The following REPS2 variants were observed in gnomAD, a reference collection of about 807,000 sequenced individuals.
REPS2 encodes the protein ralBP1-associated Eps domain-containing protein 2.
REPS2 carries 23 observed loss-of-function variants against 53.6 expected under a neutral mutation model. That is an observed-to-expected ratio of 0.43 (90% confidence interval 0.31 to 0.61). The LOEUF (loss-of-function observed/expected upper bound fraction) is 0.61. Ranked by LOEUF, REPS2 falls within the 20% of genes least tolerant of loss-of-function variation. The pLI, the probability that REPS2 is intolerant of heterozygous loss-of-function variation, is 0.11. For synonymous variants in REPS2, 238 were observed against 218.6 expected (o/e 1.09, Z -0.78); for missense variants, 446 against 534.9 (o/e 0.83, Z 1.64).
chrX:17,080,446 G>T (rs2062441731), intron 13 of REPS2, among the ~76,000 whole-genome samples: 2 of 110,450 alleles, frequency 1.8e-5, no homozygotes, highest in South Asian at 7.8e-4. Flanking sequence ...CCACCACCTT[G>T]TTCTTATAAT....
intron 1 of REPS2, among the ~76,000 whole-genome samples, chrX:16,998,204 G>A (rs2061255859): frequency 8.9e-6 from 1 of 111,803 alleles, no homozygotes; most frequent in Non-Finnish European, 1.9e-5. Context: ...AGCTGTGATT[G>A]TGCCACTGCT....
intron 1 of REPS2, among the ~76,000 whole-genome samples, chrX:16,992,846 T>TA (rs1178436115): frequency 8.9e-6 from 1 of 112,456 alleles, no homozygotes; most frequent in Admixed American, 9.4e-5. Flanking sequence ...CTTCCAGTTA[T>TA]ATTAGGTTTT....
intron 1 of REPS2, among the ~76,000 whole-genome samples, chrX:16,975,327 C>T: frequency 8.9e-6 from 1 of 112,045 alleles, no homozygotes; most frequent in Non-Finnish European, 1.9e-5. Flanking sequence ...ATTTACACTC[C>T]TACCAGCAGT....
chrX:17,046,352 A>G (rs930589406), intron 5 of REPS2, among the ~76,000 whole-genome samples: 31 of 108,987 alleles, frequency 2.8e-4, no homozygotes, highest in Non-Finnish European at 5.5e-4. Flanking sequence ...TAATTTTTGT[A>G]TTTTTAGTAG....
intron 1 of REPS2, among the ~76,000 whole-genome samples, chrX:16,970,345 T>G (rs917783957): frequency 4.5e-5 from 5 of 110,797 alleles, no homozygotes; most frequent in African/African-American, 1.6e-4. Flanking sequence ...TACAGGCGTG[T>G]GCCACCACGC....
intron 14 of REPS2, among the ~76,000 whole-genome samples, chrX:17,115,388 T>C (rs1470916169): frequency 8.9e-6 from 1 of 112,469 alleles, no homozygotes; most frequent in Non-Finnish European, 1.9e-5. Context: ...ATGTCCCACC[T>C]CCAGCCCTAA....
the REPS2 span, among the ~76,000 whole-genome samples, chrX:17,194,773 A>G: frequency 8.9e-6 from 1 of 111,909 alleles, no homozygotes; most frequent in Non-Finnish European, 1.9e-5. Context: ...CAAATTCTTA[A>G]TATTCTGAAT....
At chrX:17,147,300 A>C in intron 17 of REPS2, 113 bp from the exon 18 acceptor site, 1 of 548,868 alleles carries the variant, frequency 1.8e-6, no homozygotes, top group Non-Finnish European at 3.1e-6. Context: ...GTTATACAGC[A>C]CTTGTATTTG....
Position 17,148,536 on chromosome X carries a change from C to T in REPS2, c.*1055C>T. ...AGGAGATAATGAAAGAAAAGTGGTC[C>T]TCATGCTGGATATGTGACTGTTTTG... On this transcript the variant is annotated 3_prime_UTR_variant, in exon 18 of 18. Transcript: ENST00000357277. 1 of 114,028 alleles carries T rather than the reference C, an allele frequency of 8.8e-6. No individual in the cohort carries two copies. Among genetic ancestry groups the T allele is most frequent in the Non-Finnish European group, 1.8e-5 (1 of 54,695 alleles). 9.4% of individuals were successfully genotyped at this position (114,028 alleles called of 1,213,427 possible).
intron 1 of REPS2, among the ~76,000 whole-genome samples, chrX:17,002,257 A>C (rs1203486142): frequency 9.0e-6 from 1 of 111,193 alleles, no homozygotes; most frequent in Non-Finnish European, 1.9e-5. Flanking sequence ...GTGTATGTAG[A>C]ATAGGTGATT....
intron 1 of REPS2, among the ~76,000 whole-genome samples, chrX:17,000,641 A>C (rs1323959409): frequency 8.9e-6 from 1 of 112,126 alleles, no homozygotes; most frequent in Non-Finnish European, 1.9e-5. Context: ...CAAAGATATT[A>C]CATAGGTAAT....
At chrX:17,166,208 CCA>C in the REPS2 span, among the ~76,000 whole-genome samples, 1 of 110,385 alleles carries the variant, frequency 9.1e-6, no homozygotes, top group African/African-American at 3.3e-5. Context: ...TCTTTGTCAC[CCA>C]CAGAGTCCCT....
the REPS2 span, among the ~76,000 whole-genome samples, chrX:17,193,568 A>G: frequency 9.0e-6 from 1 of 111,606 alleles, no homozygotes; most frequent in East Asian, 2.8e-4. Context: ...ATTAACAGGC[A>G]TACTCATTTC....
chrX:17,069,987 G>A lies in REPS2; in HGVS notation c.1327G>A (p.Asp443Asn), dbSNP rs1188389681. ...AGCCTTACCAAAGGACGTGTCTGAG[G>A]ATCCAGGTAGGAGAAAACCATTTTT... ...NEALPKDVSE[D>N]PATPKDSNSL... The change falls in exon 11 of 18, where the codon GAT (aspartate) becomes AAT (asparagine). Residue 443 changes from aspartate to asparagine, a missense_variant. Physicochemically the swap from Asp to Asn is conservative, Grantham distance 23 (BLOSUM62 1). Transcript: ENST00000357277. 2 of 1,102,754 alleles carry A rather than the reference G, an allele frequency of 1.8e-6. No individual in the cohort carries two copies. The highest frequency in any genetic ancestry group is 2.4e-6 in the Non-Finnish European group (2 of 825,383). 90.9% of individuals were successfully genotyped at this position (1,102,754 alleles called of 1,213,427 possible). A position where few individuals can be genotyped will look rare whatever the true frequency, so the allele number is the denominator to read the frequency against.
At chrX:17,135,128 C>A (rs1411189432) in intron 15 of REPS2, 133 bp from the exon 16 acceptor site, 4 of 588,614 alleles carry the variant, frequency 6.8e-6, no homozygotes, top group Admixed American at 3.7e-5. Flanking sequence ...TCTTGCTGAG[C>A]CATGGGTCAG....
rs1212169121 is a variant in REPS2 at position 17,068,454 on chromosome X, C to A, written c.1262C>A (p.Thr421Asn). The change falls in exon 10 of 18, where the codon ACT becomes AAT. Residue 421 changes from threonine to asparagine, a missense_variant. By Grantham distance (65) the Thr-to-Asn change is moderately conservative. Coordinates refer to ENST00000357277, the MANE Select transcript of REPS2 (RefSeq NM_004726.3). ...ADLPVPNQDV[T>N]SDDKQALKST... is the part of the protein sequence containing the mutation. Reference sequence around the variant, plus strand: ...CTTCCTGTCCCTAACCAGGATGTAACTAGTGATGACAAACAAGGTAGGAGA... The same window carrying A: ...CTTCCTGTCCCTAACCAGGATGTAAATAGTGATGACAAACAAGGTAGGAGA... 3 of 1,203,984 alleles carry A rather than the reference C, an allele frequency of 2.5e-6. No homozygotes were observed. The highest frequency in any genetic ancestry group is 3.4e-6 in the Non-Finnish European group (3 of 889,243).
chrX:16,978,750 T>C (rs955708017), intron 1 of REPS2: 1 of 130,854 alleles, frequency 7.6e-6, no homozygotes, highest in Admixed American at 9.4e-5. Context: ...CTTTACCTTC[T>C]TTCACCCTAG....
At chrX:16,961,140 C>T (rs1008889941) in intron 1 of REPS2, among the ~76,000 whole-genome samples, 3 of 110,718 alleles carry the variant, frequency 2.7e-5, no homozygotes, top group African/African-American at 9.8e-5. Flanking sequence ...CTAGAATAGC[C>T]GAAACAGTCT....
intron 1 of REPS2, among the ~76,000 whole-genome samples, chrX:16,990,668 CTG>C (rs1189688953): frequency 9.3e-6 from 1 of 107,378 alleles, no homozygotes; most frequent in Admixed American, 9.9e-5. Context: ...TCTCTATTGA[CTG>C]TGTCAATAGA....
Sources: gnomAD v4.1 joint callset for allele counts (sites outside exome capture counted in the v4.1 genomes callset) on GRCh38, gnomAD v4.1.1 for gene constraint, MANE v1.5 for transcripts, NCBI Gene and HGNC (gene_info 2026-07-23, HGNC 2026-07-21) for gene names.